Variants in TSPAN12 observed in about 807,000 individuals in gnomAD.
TSPAN12 encodes tetraspanin-12.
A neutral mutation model predicts 39.2 loss-of-function variants in TSPAN12; 19 were observed. The ratio of observed to expected loss-of-function variants is 0.49; its 90% CI spans 0.34 to 0.71. The LOEUF (loss-of-function observed/expected upper bound fraction) is 0.71, where lower values mean the gene tolerates loss of function less well. TSPAN12 is among the 30% of genes least tolerant of loss of function. The pLI, the probability that TSPAN12 is intolerant of heterozygous loss-of-function variation, is 0.01. For missense variants in TSPAN12, 314 were observed against 359.9 expected (o/e 0.87, Z 1.03); for synonymous variants, 119 against 124.8 (o/e 0.95, Z 0.31).
intron 4 of TSPAN12, among the ~76,000 whole-genome samples, chr7:120,822,345 A>T (rs796076201): frequency 3.9e-4 from 60 of 152,084 alleles, no homozygotes; most frequent in African/African-American, 1.3e-3. Context: ...ACCACCCCCT[A>T]GGATTTCCCC....
intron 7 of TSPAN12, among the ~76,000 whole-genome samples, chr7:120,797,523 C>A (rs1584923161): frequency 6.6e-6 from 1 of 152,230 alleles, no homozygotes; most frequent in African/African-American, 2.4e-5. Flanking sequence ...TTAGTACACA[C>A]ACAAAATCCA....
Position 120,788,352 on chromosome 7 carries a change from G to A in TSPAN12, c.*240C>T. On this transcript the variant is annotated 3_prime_UTR_variant, in exon 8 of 8. Coordinates refer to ENST00000222747, the MANE Select transcript of TSPAN12 (RefSeq NM_012338.4). ...CTGTGTTCAGTAAAAGTCATACACA[G>A]GCTACACAGTGGGTATGACATCTGT... The A allele has an allele frequency of 1.9e-6, 1 of 539,226 alleles. No individual in the cohort carries two copies. The highest frequency in any genetic ancestry group is 3.3e-6 in the Non-Finnish European group (1 of 301,534). The allele number at this position is 539,226 out of a possible 1,614,324, so 33.4% of individuals were successfully genotyped here.
intron 4 of TSPAN12, among the ~76,000 whole-genome samples, chr7:120,834,254 A>G (rs1031098477): frequency 6.6e-6 from 1 of 152,238 alleles, no homozygotes. Flanking sequence ...ATACTAAAAC[A>G]TTATTTATTG....
At chr7:120,792,893 T>TA (rs536578146) in intron 7 of TSPAN12, among the ~76,000 whole-genome samples, 3 of 152,182 alleles carry the variant, frequency 2.0e-5, no homozygotes, top group South Asian at 2.1e-4. Context: ...CACAGGGGAA[T>TA]AAAAAAACAA....
At chr7:120,829,500 T>C (rs1794351728) in intron 4 of TSPAN12, among the ~76,000 whole-genome samples, 1 of 152,192 alleles carries the variant, frequency 6.6e-6, no homozygotes, top group African/African-American at 2.4e-5. Context: ...TTAACTCTCT[T>C]TACATTTAGG....
At chr7:120,829,432 C>CA (rs1471240787) in intron 4 of TSPAN12, among the ~76,000 whole-genome samples, 1 of 151,696 alleles carries the variant, frequency 6.6e-6, no homozygotes, top group Non-Finnish European at 1.5e-5. Flanking sequence ...CTGCTTTCCT[C>CA]ACTGGCTTAA....
At chr7:120,846,261 A>C (rs1794667310) in intron 2 of TSPAN12, among the ~76,000 whole-genome samples, 1 of 152,230 alleles carries the variant, frequency 6.6e-6, no homozygotes, top group Non-Finnish European at 1.5e-5. Context: ...TGGCAGGGAC[A>C]CAAATCCAAA....
At chr7:120,851,146 T>C (rs1383672042) in intron 2 of TSPAN12, among the ~76,000 whole-genome samples, 1 of 152,236 alleles carries the variant, frequency 6.6e-6, no homozygotes, top group South Asian at 2.1e-4. Flanking sequence ...TATTTTAATA[T>C]GATTCATAAA....
intron 7 of TSPAN12, among the ~76,000 whole-genome samples, 194 bp from the exon 8 acceptor site, chr7:120,789,091 C>G (rs1286308159): frequency 6.6e-6 from 1 of 152,144 alleles, no homozygotes; most frequent in Non-Finnish European, 1.5e-5. Context: ...AAAAGCCTGT[C>G]CAGCTGATTC....
intron 4 of TSPAN12, among the ~76,000 whole-genome samples, chr7:120,826,926 T>C (rs190600133): frequency 7.9e-5 from 12 of 152,294 alleles, no homozygotes; most frequent in African/African-American, 2.9e-4. Context: ...TTTTACCACG[T>C]TGGCCAGGCT....
At chr7:120,792,484 C>A (rs1162634574) in intron 7 of TSPAN12, among the ~76,000 whole-genome samples, 3 of 149,140 alleles carry the variant, frequency 2.0e-5, no homozygotes, top group African/African-American at 7.4e-5. Context: ...TCGAAAGTTA[C>A]ACACATGAAT....
intron 7 of TSPAN12, among the ~76,000 whole-genome samples, chr7:120,796,246 G>A (rs1312333515): frequency 3.9e-5 from 6 of 152,184 alleles, no homozygotes; most frequent in African/African-American, 1.4e-4. Context: ...TAAGAAGTTA[G>A]AGGGTGTTAA....
intron 3 of TSPAN12, among the ~76,000 whole-genome samples, chr7:120,839,789 A>G (rs1254725349): frequency 1.3e-5 from 2 of 152,158 alleles, no homozygotes; most frequent in Non-Finnish European, 1.5e-5. Flanking sequence ...AGGACAGGCA[A>G]CTGCTATTAC....
chr7:120,789,427 G>T (rs545254988), intron 7 of TSPAN12, among the ~76,000 whole-genome samples: 1 of 152,214 alleles, frequency 6.6e-6, no homozygotes, highest in African/African-American at 2.4e-5. Context: ...GTTTGGTAAA[G>T]TCGCTTCTCT....
intron 4 of TSPAN12, among the ~76,000 whole-genome samples, chr7:120,819,200 C>T (rs953015295): frequency 6.6e-6 from 1 of 152,060 alleles, no homozygotes; most frequent in Non-Finnish European, 1.5e-5. Flanking sequence ...ATCAATAAAA[C>T]ATGGACATGG....
chr7:120,794,966 G>A (rs1274254303), intron 7 of TSPAN12, among the ~76,000 whole-genome samples: 1 of 152,150 alleles, frequency 6.6e-6, no homozygotes, highest in African/African-American at 2.4e-5. Flanking sequence ...ATTTTTCAGT[G>A]TAAACTTGTC....
intron 1 of TSPAN12, chr7:120,857,181 G>C (rs1794888675): frequency 2.9e-6 from 1 of 345,300 alleles, no homozygotes; most frequent in Non-Finnish European, 5.7e-6. Flanking sequence ...CCTCCTCGAG[G>C]ACAGCTGTGC....
chr7:120,850,012 G>A (rs1794741120), intron 2 of TSPAN12, among the ~76,000 whole-genome samples: 1 of 151,298 alleles, frequency 6.6e-6, no homozygotes, highest in African/African-American at 2.4e-5. Context: ...CTTTTTGTGA[G>A]TCTGTGCCTT....
intron 4 of TSPAN12, among the ~76,000 whole-genome samples, chr7:120,828,094 C>T (rs1433510421): frequency 3.9e-5 from 6 of 152,082 alleles, no homozygotes; most frequent in African/African-American, 1.4e-4. Flanking sequence ...ACATGAGTAC[C>T]TTTATTCGCT....
Sources: gnomAD v4.1 joint callset for allele counts (sites outside exome capture counted in the v4.1 genomes callset) on GRCh38, gnomAD v4.1.1 for gene constraint, MANE v1.5 for transcripts, NCBI Gene and HGNC (gene_info 2026-07-23, HGNC 2026-07-21) for gene names.